The following ROBO2 variants were observed in gnomAD, a reference collection of about 807,000 sequenced individuals.
ROBO2 encodes roundabout guidance receptor 2, also known as roundabout homolog 2.
Under a neutral mutation model 160.8 loss-of-function variants are expected in ROBO2, and 53 were observed. The ratio of observed to expected loss-of-function variants is 0.33; its 90% CI spans 0.26 to 0.41. The LOEUF is 0.41. ROBO2 is among the 10% of genes least tolerant of loss of function. ROBO2 has a pLI of 1.00. For synonymous variants in ROBO2, 664 were observed against 611.7 expected (o/e 1.09, Z -1.26); for missense variants, 1,577 against 1,722.4 (o/e 0.92, Z 1.49).
chr3:77,377,139 C>G (rs1002249535), intron 2 of ROBO2, among the ~76,000 whole-genome samples: 22 of 151,994 alleles, frequency 1.4e-4, no homozygotes, highest in Non-Finnish European at 1.0e-4. Context: ...TATCTTCAGT[C>G]TATACTGTTT....
chr3:77,384,686 A>C (rs867221811), intron 2 of ROBO2, among the ~76,000 whole-genome samples: 1 of 152,230 alleles, frequency 6.6e-6, no homozygotes, highest in Non-Finnish European at 1.5e-5. Context: ...ATAATAAATT[A>C]ATGAGCAGAT....
chr3:76,988,547 G>T (rs2060505827), intron 2 of ROBO2, among the ~76,000 whole-genome samples: 2 of 152,188 alleles, frequency 1.3e-5, no homozygotes, highest in East Asian at 3.9e-4. Context: ...CCATCTGTCA[G>T]TCCTTCCTTT....
intron 2 of ROBO2, among the ~76,000 whole-genome samples, chr3:76,069,199 C>A (rs1055058653): frequency 6.6e-6 from 1 of 152,120 alleles, no homozygotes; most frequent in African/African-American, 2.4e-5. Flanking sequence ...TAATAAGTAA[C>A]TCAAGGTTAT....
At chr3:77,069,072 T>G (rs911552698) in intron 1 of ROBO2, among the ~76,000 whole-genome samples, 1 of 152,188 alleles carries the variant, frequency 6.6e-6, no homozygotes, top group South Asian at 2.1e-4. Flanking sequence ...ATTGAGTAGC[T>G]GTGGCAGACG....
rs2060711131 is a variant in ROBO2 at position 76,992,324 on chromosome 3, A to AAT, written c.110-105690_110-105689insAT. ...TAGAAGCTATCTATATCCATGTATTACTATATATATATATATATATATATA... is the reference window on the plus strand; with the variant it reads ...TAGAAGCTATCTATATCCATGTATTAATCTATATATATATATATATATATATA... On this transcript the variant is annotated intron_variant, in intron 2 of 26. Transcript: ENST00000487694. Among the ~76,000 whole-genome samples, 3 of 72,254 alleles carry AAT rather than the reference A, an allele frequency of 4.2e-5. No homozygotes were observed. The Admixed American group carries it at 5.0e-4, about 12-fold the overall frequency. The allele number at this position is 72,254 out of a possible 152,430, so 47.4% of individuals were successfully genotyped here. A position where few individuals can be genotyped will look rare whatever the true frequency, so the allele number is the denominator to read the frequency against.
intron 2 of ROBO2, among the ~76,000 whole-genome samples, chr3:76,130,935 C>T (rs1160704904): frequency 6.6e-6 from 1 of 152,104 alleles, no homozygotes; most frequent in Admixed American, 6.6e-5. Context: ...AAATGTTTCC[C>T]TCATTGCCCC....
intron 2 of ROBO2, among the ~76,000 whole-genome samples, chr3:76,654,925 ATATT>A (rs760336554): frequency 2.5e-3 from 363 of 147,438 alleles, no homozygotes; most frequent in Middle Eastern, 0.011. Context: ...ATATATATAT[ATATT>A]TATATATATA....
chr3:76,108,315 A>G (rs1023582286), intron 2 of ROBO2, among the ~76,000 whole-genome samples: 1 of 152,078 alleles, frequency 6.6e-6, no homozygotes, highest in Non-Finnish European at 1.5e-5. Context: ...ATTATTTAGC[A>G]TCATTTCTAA....
chr3:76,977,432 A>G (rs2059867508), intron 2 of ROBO2, among the ~76,000 whole-genome samples: 1 of 152,168 alleles, frequency 6.6e-6, no homozygotes, highest in African/African-American at 2.4e-5. Context: ...AGGTTTTTCC[A>G]TTATAGGTAC....
At position 76,029,748 on chromosome 3, in the gene ROBO2, G is replaced by T. The variant is rs532429976; in HGVS notation, c.109+92146G>T. Among the ~76,000 whole-genome samples the T allele has an allele frequency of 1.0e-3, 153 of 152,066 alleles. 1 individual carries two copies. The highest frequency in any genetic ancestry group is 3.4e-3 in the Middle Eastern group (1 of 292). On this transcript the variant is annotated intron_variant, in intron 2 of 26. Coordinates refer to the ROBO2 transcript ENST00000487694. The stretch of plus-strand genomic sequence containing the variant: ...CCATGGTGTATATGTGCCACATTTT[G>T]TTAATCCAGTCTATCATTGATGGAC...
intron 2 of ROBO2, among the ~76,000 whole-genome samples, chr3:77,372,734 G>T (rs894760352): frequency 6.6e-6 from 1 of 152,128 alleles, no homozygotes; most frequent in East Asian, 1.9e-4. Flanking sequence ...CTTCCATGTT[G>T]CTTTTAGTTT....
intron 2 of ROBO2, among the ~76,000 whole-genome samples, chr3:76,540,438 T>G (rs2082751518): frequency 6.6e-6 from 1 of 152,212 alleles, no homozygotes. Context: ...TACATCCCTT[T>G]GCTCATTGAA....
chr3:76,257,859 G>T (rs969136740), intron 2 of ROBO2, among the ~76,000 whole-genome samples: 1 of 152,110 alleles, frequency 6.6e-6, no homozygotes, highest in African/African-American at 2.4e-5. Context: ...AGGGTTATGG[G>T]GTGGGGGAAA....
At chr3:76,434,273 G>T in intron 2 of ROBO2, 1 of 995,874 alleles carries the variant, frequency 1.0e-6, no homozygotes, top group Admixed American at 1.7e-5. Flanking sequence ...CAGATTCTCA[G>T]TGTCAACAGC....
At chr3:77,395,349 G>A (rs1435948566) in intron 2 of ROBO2, among the ~76,000 whole-genome samples, 1 of 152,152 alleles carries the variant, frequency 6.6e-6, no homozygotes, top group Non-Finnish European at 1.5e-5. Flanking sequence ...AGGTAGCATA[G>A]CCTCATCCCC....
In ROBO2 at chr3:76,560,933, G is replaced by GATATATAT. The variant is rs10581875; in HGVS notation, c.110-537050_110-537043dup. 1.0e-3 allele frequency among the ~76,000 whole-genome samples: 131 copies of GATATATAT among 128,144 alleles called. 1 individual carries two copies. Among genetic ancestry groups the GATATATAT allele is most frequent in the Middle Eastern group, 3.9e-3 (1 of 258 alleles). 84.1% of individuals were successfully genotyped at this position (128,144 alleles called of 152,430 possible). Reference sequence around the variant, plus strand: ...TCCCTCCTTTATATATAAGAAGTAAGATATATATATATATATATATATATA... The same window carrying GATATATAT: ...TCCCTCCTTTATATATAAGAAGTAAGATATATATATATATATATATATATATATATATA... On this transcript the variant is annotated intron_variant, in intron 2 of 26. Transcript: ENST00000487694.
At position 76,046,522 on chromosome 3, in the gene ROBO2, C is replaced by A. The variant is rs180903561; in HGVS notation, c.109+108920C>A. Among the ~76,000 whole-genome samples the A allele has an allele frequency of 9.0e-4, 136 of 151,730 alleles. 1 individual carries two copies. In the East Asian group the frequency reaches 0.024, roughly 27 times the overall value. On this transcript the variant is annotated intron_variant, in intron 2 of 26. Transcript: ENST00000487694. The stretch of plus-strand genomic sequence containing the variant: ...AAATTAGCCGGGCGTGGTGGCAGCG[C>A]CTGCAGTCCCAGCTACTCGGGAGGC...
At chr3:76,709,845 T>TA (rs1455652630) in intron 2 of ROBO2, among the ~76,000 whole-genome samples, 2 of 152,196 alleles carry the variant, frequency 1.3e-5, no homozygotes, top group Non-Finnish European at 2.9e-5. Context: ...GACCTGCTGT[T>TA]AGAGGCCACA....
At chr3:77,075,734 A>G (rs2067925111) in intron 1 of ROBO2, among the ~76,000 whole-genome samples, 2 of 123,200 alleles carry the variant, frequency 1.6e-5, no homozygotes, top group Non-Finnish European at 3.1e-5. Context: ...GCTGGAGTGC[A>G]ATGGCACAAT....
Sources: gnomAD v4.1 joint callset for allele counts (sites outside exome capture counted in the v4.1 genomes callset) on GRCh38, gnomAD v4.1.1 for gene constraint, MANE v1.5 for transcripts, NCBI Gene and HGNC (gene_info 2026-07-23, HGNC 2026-07-21) for gene names.